Variants in KAZN observed in about 807,000 individuals in gnomAD.
KAZN encodes the protein kazrin.
KAZN carries 40 observed loss-of-function variants against 87.4 expected under a neutral mutation model. The observed-to-expected ratio is 0.46, with a 90% CI of 0.36 to 0.60. The LOEUF (loss-of-function observed/expected upper bound fraction) is 0.60. Among genes scored for constraint, KAZN ranks in the 20% least tolerant of loss-of-function variants. The probability of loss-of-function intolerance (pLI) is 0.00; values close to 1 mark genes in which losing one functional copy is unlikely to be tolerated. For synonymous variants in KAZN, 466 were observed against 458.3 expected (o/e 1.02, Z -0.22); for missense variants, 898 against 1,073.9 (o/e 0.84, Z 2.29).
At chr1:14,353,118 C>T (rs1658687349) in intron 2 of KAZN, among the ~76,000 whole-genome samples, 1 of 152,082 alleles carries the variant, frequency 6.6e-6, no homozygotes, top group Non-Finnish European at 1.5e-5. Context: ...GGGATGTTTG[C>T]TTCCATCATT....
intron 2 of KAZN, among the ~76,000 whole-genome samples, chr1:14,372,236 G>A (rs534808483): frequency 6.6e-6 from 1 of 152,268 alleles, no homozygotes; most frequent in Non-Finnish European, 1.5e-5. Flanking sequence ...GCTATAGTGT[G>A]GTTGAATCAT....
intron 1 of KAZN, among the ~76,000 whole-genome samples, chr1:14,169,287 A>G (rs950706407): frequency 4.6e-5 from 7 of 151,728 alleles, no homozygotes; most frequent in South Asian, 4.2e-4. Flanking sequence ...TCTCTCTTCT[A>G]TCTCCTCTTC....
intron 1 of KAZN, among the ~76,000 whole-genome samples, chr1:13,902,966 A>G (rs1355426967): frequency 6.6e-6 from 1 of 152,216 alleles, no homozygotes; most frequent in Non-Finnish European, 1.5e-5. Context: ...GCCATGGGTG[A>G]GTAAGGCTCA....
chr1:14,324,314 T>A (rs1369584404), intron 2 of KAZN, among the ~76,000 whole-genome samples: 1 of 152,216 alleles, frequency 6.6e-6, no homozygotes, highest in East Asian at 1.9e-4. Context: ...TATTAGTGAT[T>A]AGCTACTTGT....
intron 1 of KAZN, among the ~76,000 whole-genome samples, chr1:14,661,520 T>A (rs1372197896): frequency 1.3e-5 from 2 of 152,108 alleles, no homozygotes; most frequent in Non-Finnish European, 2.9e-5. Context: ...AATATGTAAA[T>A]GAATGGATTT....
At chr1:14,411,804 A>G (rs1664327469) in intron 2 of KAZN, among the ~76,000 whole-genome samples, 1 of 152,258 alleles carries the variant, frequency 6.6e-6, no homozygotes, top group Non-Finnish European at 1.5e-5. Context: ...GGTGAAATGA[A>G]AATACCAGAC....
intron 1 of KAZN, among the ~76,000 whole-genome samples, chr1:14,050,260 G>T (rs1020653026): frequency 6.6e-6 from 1 of 152,032 alleles, no homozygotes; most frequent in Non-Finnish European, 1.5e-5. Flanking sequence ...GCATGCCTGT[G>T]CACATGTGTT....
intron 2 of KAZN, among the ~76,000 whole-genome samples, chr1:14,991,034 CAG>C (rs1667300686): frequency 1.3e-5 from 2 of 151,710 alleles, no homozygotes; most frequent in Admixed American, 6.6e-5. Flanking sequence ...AGGCCTAGAA[CAG>C]AGTCTTTCTG....
At chr1:14,425,951 C>A (rs538865365) in intron 2 of KAZN, among the ~76,000 whole-genome samples, 31 of 152,188 alleles carry the variant, frequency 2.0e-4, no homozygotes, top group African/African-American at 7.2e-4. Context: ...CTAGAACATT[C>A]TTTTATCTGG....
intron 1 of KAZN, among the ~76,000 whole-genome samples, chr1:14,915,829 CG>C (rs1006020407): frequency 5.3e-5 from 8 of 152,102 alleles, no homozygotes; most frequent in African/African-American, 1.9e-4. Context: ...TTGAATGAGC[CG>C]GAAAGCACAG....
chr1:14,419,601 T>G (rs1269613943), intron 2 of KAZN, among the ~76,000 whole-genome samples: 1 of 152,220 alleles, frequency 6.6e-6, no homozygotes, highest in Non-Finnish European at 1.5e-5. Flanking sequence ...ATTTGAGTGT[T>G]ACAGTTCTTA....
chr1:14,211,834 T>TC (rs370029366), intron 2 of KAZN, among the ~76,000 whole-genome samples: 1 of 152,080 alleles, frequency 6.6e-6, no homozygotes, highest in Non-Finnish European at 1.5e-5. Context: ...TTTTTTTTTT[T>TC]CCTTGGTTTT....
chr1:14,219,220 A>C (rs1057055807), intron 2 of KAZN, among the ~76,000 whole-genome samples: 8 of 152,182 alleles, frequency 5.3e-5, no homozygotes, highest in African/African-American at 1.9e-4. Flanking sequence ...AAAACTGTAA[A>C]GGAAAGCTCA....
intron 2 of KAZN, among the ~76,000 whole-genome samples, chr1:14,453,851 T>A (rs1227200401): frequency 2.0e-5 from 3 of 151,118 alleles, no homozygotes; most frequent in African/African-American, 4.9e-5. Context: ...AAAAAAAAAA[T>A]AGTCAATCTG....
chr1:14,385,737 G>A (rs1198793144), intron 2 of KAZN, among the ~76,000 whole-genome samples: 5 of 150,740 alleles, frequency 3.3e-5, no homozygotes, highest in African/African-American at 1.2e-4. Context: ...TTCCAACTAT[G>A]TGGTCAATTT....
chr1:13,965,395 C>T (rs1464707774), intron 1 of KAZN, among the ~76,000 whole-genome samples: 1 of 152,028 alleles, frequency 6.6e-6, no homozygotes, highest in Non-Finnish European at 1.5e-5. Flanking sequence ...ATGCTGATGC[C>T]AAGTGTATAG....
chr1:14,594,801 A>G (rs1235943521), upstream of KAZN, among the ~76,000 whole-genome samples: 2 of 152,130 alleles, frequency 1.3e-5, no homozygotes, highest in South Asian at 4.1e-4. Context: ...CCCCATAGAC[A>G]GGCAAATGGG....
chr1:13,902,320 G>A lies in KAZN; in HGVS notation c.91+8564G>A, dbSNP rs541915136. On this transcript the variant is annotated intron_variant, in intron 1 of 16. Coordinates refer to the KAZN transcript ENST00000636203. ...TTCCATGATACCAAAAGTCCATAAG[G>A]AGTGGGACCGTGAAGGTGCTTTGTC... is the stretch of plus-strand genomic sequence containing the variant. Among the ~76,000 whole-genome samples the A allele has an allele frequency of 2.6e-4, 39 of 152,350 alleles. 1 individual carries two copies. Among genetic ancestry groups the A allele is most frequent in the Middle Eastern group, 3.4e-3 (1 of 294 alleles).
intron 1 of KAZN, among the ~76,000 whole-genome samples, chr1:14,796,747 A>G (rs909720913): frequency 1.3e-5 from 2 of 152,214 alleles, no homozygotes; most frequent in African/African-American, 4.8e-5. Context: ...CCTCGCCCCC[A>G]TCACCTGAAG....
Sources: gnomAD v4.1 joint callset for allele counts (sites outside exome capture counted in the v4.1 genomes callset) on GRCh38, gnomAD v4.1.1 for gene constraint, MANE v1.5 for transcripts, NCBI Gene and HGNC (gene_info 2026-07-23, HGNC 2026-07-21) for gene names.